FILIP1: variants seen among roughly 807,000 people sequenced by gnomAD.
FILIP1 encodes the protein filamin A interacting protein 1.
A neutral mutation model predicts 102.1 loss-of-function variants in FILIP1; 61 were observed. That is an observed-to-expected ratio of 0.60 (90% CI 0.49 to 0.74). The LOEUF is 0.74. Ranked by LOEUF, FILIP1 falls within the 30% of genes least tolerant of loss-of-function variation. The probability of loss-of-function intolerance (pLI) is 0.00; values close to 1 mark genes in which losing one functional copy is unlikely to be tolerated. For synonymous variants in FILIP1, 491 were observed against 526.9 expected (o/e 0.93, Z 0.93); for missense variants, 1,314 against 1,441.2 (o/e 0.91, Z 1.43).
At chr6:75,320,394 A>AAAAAC (rs775895835) in intron 4 of FILIP1, among the ~76,000 whole-genome samples, 3 of 152,030 alleles carry the variant, frequency 2.0e-5, no homozygotes, top group African/African-American at 7.2e-5. Flanking sequence ...TCATCTCTAC[A>AAAAAC]AAAACAAAAC....
intron 2 of FILIP1, among the ~76,000 whole-genome samples, chr6:75,372,580 C>T (rs1383638934): frequency 1.4e-5 from 2 of 141,802 alleles, no homozygotes; most frequent in Non-Finnish European, 3.0e-5. Flanking sequence ...TACTACTTTA[C>T]ACCCAACAGG....
At chr6:75,476,890 A>C (rs1779489742) in intron 1 of FILIP1, among the ~76,000 whole-genome samples, 1 of 152,188 alleles carries the variant, frequency 6.6e-6, no homozygotes, top group Non-Finnish European at 1.5e-5. Context: ...ATCTCACTGA[A>C]TGTCAATTTG....
intron 1 of FILIP1, among the ~76,000 whole-genome samples, chr6:75,475,308 C>A (rs1320919640): frequency 1.3e-5 from 2 of 152,146 alleles, no homozygotes; most frequent in Non-Finnish European, 2.9e-5. Flanking sequence ...GCTCTAAGAG[C>A]AGTTAGCCTT....
chr6:75,435,530 A>G (rs562860823), intron 1 of FILIP1, among the ~76,000 whole-genome samples: 1 of 152,376 alleles, frequency 6.6e-6, no homozygotes, highest in South Asian at 2.1e-4. Context: ...GTTTCCTGGA[A>G]TACAGTAACC....
intron 2 of FILIP1, among the ~76,000 whole-genome samples, chr6:75,411,219 C>A (rs536140186): frequency 6.6e-6 from 1 of 152,322 alleles, no homozygotes; most frequent in Admixed American, 6.5e-5. Context: ...TAAATATCTT[C>A]TTTTGAAAAA....
At chr6:75,333,522 T>G (rs918904209) in intron 4 of FILIP1, among the ~76,000 whole-genome samples, 3 of 152,164 alleles carry the variant, frequency 2.0e-5, no homozygotes, top group African/African-American at 7.2e-5. Context: ...ATCAATGTAG[T>G]GAACCCAAGA....
At position 75,313,699 on chromosome 6, in the gene FILIP1, C is replaced by T; in HGVS notation, c.2133G>A (p.Arg711=). ...SQEAELRHRF[R]LEEAKSRDLK... is the part of the protein sequence containing the mutation. ...AGTCTCGACTTTTAGCTTCTTCCAA[C>T]CGAAATCTGTGTCTCAGTTCAGCTT... The change falls in exon 5 of 6, where the codon CGG becomes CGA. Residue 711 remains arginine, a synonymous_variant. Transcript: ENST00000237172. This position sits in a 1 kb window ranked among gnomAD's most constrained non-coding sequence, Gnocchi z 4.2. 6.4e-7 allele frequency: 1 copy of T among 1,562,476 alleles called. No individual in the cohort carries two copies. Among genetic ancestry groups the T allele is most frequent in the African/African-American group, 1.4e-5 (1 of 72,922 alleles).
At chr6:75,310,665 C>T (rs1380243249) in intron 5 of FILIP1, among the ~76,000 whole-genome samples, 2 of 152,110 alleles carry the variant, frequency 1.3e-5, no homozygotes, top group Admixed American at 6.5e-5. Flanking sequence ...GAAAATGTTA[C>T]GGCAGAAAAT....
At chr6:75,394,290 C>T (rs552114577) in intron 2 of FILIP1, among the ~76,000 whole-genome samples, 1 of 152,060 alleles carries the variant, frequency 6.6e-6, no homozygotes, top group Non-Finnish European at 1.5e-5. Flanking sequence ...GGATGAATTT[C>T]AGATGGGTTA....
intron 2 of FILIP1, among the ~76,000 whole-genome samples, chr6:75,389,960 C>G (rs1427206635): frequency 1.3e-5 from 2 of 152,112 alleles, no homozygotes; most frequent in Non-Finnish European, 2.9e-5. Context: ...GGTAGTTATT[C>G]TCAAATTTGG....
chr6:75,418,022 A>G (rs1029146768), intron 1 of FILIP1, among the ~76,000 whole-genome samples: 1 of 152,102 alleles, frequency 6.6e-6, no homozygotes, highest in African/African-American at 2.4e-5. Context: ...ACATGGCAAA[A>G]CCCCGTCTCT....
At chr6:75,406,874 G>T (rs1776872242) in intron 2 of FILIP1, among the ~76,000 whole-genome samples, 1 of 152,002 alleles carries the variant, frequency 6.6e-6, no homozygotes. Flanking sequence ...TGGTCAGGCT[G>T]GTCCCGAACT....
intron 2 of FILIP1, among the ~76,000 whole-genome samples, chr6:75,413,955 G>GC (rs1307954270): frequency 6.6e-6 from 1 of 150,866 alleles, no homozygotes; most frequent in Non-Finnish European, 1.5e-5. Context: ...GTGGGGGTGG[G>GC]CAGAGGAAAG....
intron 4 of FILIP1, among the ~76,000 whole-genome samples, chr6:75,324,579 G>GA (rs1263126009): frequency 1.3e-5 from 2 of 152,038 alleles, no homozygotes; most frequent in African/African-American, 4.8e-5. Context: ...CACAGAACTA[G>GA]AAAAAACAAT....
intron 1 of FILIP1, among the ~76,000 whole-genome samples, chr6:75,424,761 A>G (rs1219652165): frequency 6.6e-6 from 1 of 152,146 alleles, no homozygotes; most frequent in Non-Finnish European, 1.5e-5. Flanking sequence ...GTTAACCTCC[A>G]TGGGGTGAAA....
chr6:75,425,167 C>T (rs1777589660), intron 1 of FILIP1, among the ~76,000 whole-genome samples: 1 of 152,102 alleles, frequency 6.6e-6, no homozygotes, highest in Non-Finnish European at 1.5e-5. Flanking sequence ...TAAAACACAT[C>T]CTGTGAATGC....
At chr6:75,317,974 A>G (rs1409045260) in intron 4 of FILIP1, among the ~76,000 whole-genome samples, 1 of 152,154 alleles carries the variant, frequency 6.6e-6, no homozygotes, top group African/African-American at 2.4e-5. Flanking sequence ...GAATGATGGG[A>G]TTCAATACCT....
At chr6:75,383,687 C>G (rs555151013) in intron 2 of FILIP1, among the ~76,000 whole-genome samples, 58 of 152,270 alleles carry the variant, frequency 3.8e-4, no homozygotes, top group African/African-American at 1.3e-3. Context: ...CATTATGAAG[C>G]ACTTAGACAA....
chr6:75,425,751 AC>A (rs1338193221), intron 1 of FILIP1, among the ~76,000 whole-genome samples: 3 of 152,140 alleles, frequency 2.0e-5, no homozygotes, highest in Admixed American at 1.3e-4. Context: ...TAGATGTGCT[AC>A]CCACTGTGTA....
Sources: gnomAD v4.1 joint callset for allele counts (sites outside exome capture counted in the v4.1 genomes callset) on GRCh38, gnomAD v4.1.1 for gene constraint, Gnocchi (gnomAD v3.1) non-coding constraint, MANE v1.5 for transcripts, NCBI Gene and HGNC (gene_info 2026-07-23, HGNC 2026-07-21) for gene names.